RAB3IP: variants seen among roughly 807,000 people sequenced by gnomAD.
The protein encoded by RAB3IP is rab-3A-interacting protein.
A neutral mutation model predicts 59.1 loss-of-function variants in RAB3IP; 36 were observed. The ratio of observed to expected loss-of-function variants is 0.61; its 90% CI spans 0.47 to 0.80. The LOEUF is 0.80. Among genes scored for constraint, RAB3IP ranks in the 30% least tolerant of loss-of-function variants. RAB3IP has a pLI of 0.00. For synonymous variants in RAB3IP, 207 were observed against 191.2 expected (o/e 1.08, Z -0.68); for missense variants, 511 against 536.0 (o/e 0.95, Z 0.46).
intron 3 of RAB3IP, chr12:69,779,276 C>T (rs1239220971): frequency 1.1e-4 from 15 of 142,180 alleles, no homozygotes; most frequent in Non-Finnish European, 2.0e-4. Flanking sequence ...CTTCGGCTCG[C>T]GCACGGTGCG....
Position 69,755,252 on chromosome 12 carries a change from A to G in RAB3IP, c.-25-132A>G, listed in dbSNP as rs549848551. On this transcript the variant is annotated intron_variant, in intron 1 of 10. Coordinates refer to ENST00000247833, the MANE Select transcript of RAB3IP (RefSeq NM_022456.5). ...TACCACCATGTGATTGTGGTTTTTT[A>G]AAAAAAGCCTCTTTTATTGTAAGCT... 1.3e-5 allele frequency: 11 copies of G among 845,086 alleles called. No individual in the cohort carries two copies. In the African/African-American group the frequency reaches 1.4e-4, roughly 11 times the overall value. 52.3% of individuals were successfully genotyped at this position (845,086 alleles called of 1,614,324 possible). A position where few individuals can be genotyped will look rare whatever the true frequency, so the allele number is the denominator to read the frequency against.
At position 69,755,557 on chromosome 12, in the gene RAB3IP, C is replaced by G; in HGVS notation, c.149C>G (p.Ser50Cys). 6.2e-7 allele frequency: 1 copy of G among 1,614,120 alleles called. No individual in the cohort carries two copies. Among genetic ancestry groups the G allele is most frequent in the East Asian group, 2.2e-5 (1 of 44,874 alleles). ...IYRPHPSALS[S>C]VPIQANALDV... ...CGGCCACACCCTTCAGCTTTATCCT[C>G]TGTACCTATCCAGGCAAATGCATTA... Residue 50 changes from serine (S) to cysteine (C), a missense_variant, in exon 2 of 11, where the codon TCT (serine) becomes TGT (cysteine). Coordinates refer to ENST00000247833, the MANE Select transcript of RAB3IP (RefSeq NM_022456.5).
chr12:69,786,016 G>A (rs181913312), intron 4 of RAB3IP, among the ~76,000 whole-genome samples: 51 of 152,114 alleles, frequency 3.4e-4, no homozygotes, highest in East Asian at 2.9e-3. Flanking sequence ...ATCATTTAAC[G>A]ATATATATAT....
intron 3 of RAB3IP, among the ~76,000 whole-genome samples, chr12:69,757,625 G>A (rs976390052): frequency 6.0e-5 from 9 of 150,946 alleles, no homozygotes; most frequent in African/African-American, 1.2e-4. Context: ...ATTTATAGGT[G>A]TAATATCCAA....
intron 1 of RAB3IP, among the ~76,000 whole-genome samples, chr12:69,753,616 T>G (rs1037275026): frequency 6.6e-6 from 1 of 152,152 alleles, no homozygotes; most frequent in African/African-American, 2.4e-5. Context: ...CCCAAAGTGC[T>G]GGGATTATAG....
At position 69,738,980 on chromosome 12, in the gene RAB3IP, CG is replaced by C. The variant is rs1351436266; in HGVS notation, c.-75del. ...TCGCTGCTTCGGGACGCGCTCTCTG[CG>C]GCTCTGTGAGCGCCCCTGAGCGCCG... On this transcript the variant is annotated 5_prime_UTR_variant, in exon 1 of 11. Coordinates refer to ENST00000247833, the MANE Select transcript of RAB3IP (RefSeq NM_022456.5). 6.6e-6 allele frequency: 1 copy of C among 152,186 alleles called. No homozygotes were observed. The highest frequency in any genetic ancestry group is 1.5e-5 in the Non-Finnish European group (1 of 68,136). The allele number at this position is 152,186 out of a possible 1,614,324, so 9.4% of individuals were successfully genotyped here. A position where few individuals can be genotyped will look rare whatever the true frequency, so the allele number is the denominator to read the frequency against.
chr12:69,812,689 T>A, intron 8 of RAB3IP, 89 bp from the exon 9 acceptor site: 2 of 812,582 alleles, frequency 2.5e-6, no homozygotes, highest in Non-Finnish European at 4.0e-6. Flanking sequence ...AAATATTTGT[T>A]ATCTAACTGA....
intron 7 of RAB3IP, among the ~76,000 whole-genome samples, chr12:69,800,947 T>C (rs1226707283): frequency 6.6e-6 from 1 of 152,228 alleles, no homozygotes; most frequent in African/African-American, 2.4e-5. Context: ...CTTTCAAGCA[T>C]TTAATTATAA....
intron 4 of RAB3IP, among the ~76,000 whole-genome samples, chr12:69,786,074 TGGG>T (rs568713380): frequency 3.3e-5 from 5 of 152,290 alleles, no homozygotes; most frequent in South Asian, 4.1e-4. Context: ...ATAATAAACT[TGGG>T]GGGGTGGAAA....
chr12:69,788,712 C>A (rs1876126976), intron 4 of RAB3IP, among the ~76,000 whole-genome samples: 1 of 152,072 alleles, frequency 6.6e-6, no homozygotes, highest in African/African-American at 2.4e-5. Flanking sequence ...ATGGATCTAA[C>A]AGATACGTAT....
At chr12:69,744,118 A>G (rs1227262536) in intron 1 of RAB3IP, among the ~76,000 whole-genome samples, 1 of 151,800 alleles carries the variant, frequency 6.6e-6, no homozygotes, top group Non-Finnish European at 1.5e-5. Flanking sequence ...TATTTCTCCT[A>G]ATGCTATCCC....
intron 4 of RAB3IP, among the ~76,000 whole-genome samples, chr12:69,791,130 A>T (rs918583037): frequency 1.3e-5 from 2 of 152,190 alleles, no homozygotes; most frequent in Admixed American, 6.5e-5. Context: ...AGAAAATTGG[A>T]TATCCACATG....
At chr12:69,801,032 C>T (rs900847463) in intron 7 of RAB3IP, among the ~76,000 whole-genome samples, 1 of 152,148 alleles carries the variant, frequency 6.6e-6, no homozygotes, top group Non-Finnish European at 1.5e-5. Context: ...CATTGTGGCT[C>T]TGTATCTGGT....
intron 1 of RAB3IP, among the ~76,000 whole-genome samples, chr12:69,740,164 GT>G (rs902310425): frequency 6.6e-6 from 1 of 151,432 alleles, no homozygotes; most frequent in Non-Finnish European, 1.5e-5. Flanking sequence ...GTTCATGAAG[GT>G]TTTTTTTTCT....
At chr12:69,755,754 A>T (rs1176882049) in intron 2 of RAB3IP, 95 bp downstream of exon 2, 1 of 1,067,160 alleles carries the variant, frequency 9.4e-7, no homozygotes, top group Non-Finnish European at 1.3e-6. Context: ...AGAAAATTTG[A>T]ATAACTTAAG....
intron 1 of RAB3IP, among the ~76,000 whole-genome samples, chr12:69,741,827 A>C (rs1887373048): frequency 6.6e-6 from 1 of 152,252 alleles, no homozygotes; most frequent in Non-Finnish European, 1.5e-5. Context: ...TTGTTTGCTC[A>C]TAATCACTAC....
rs1361645424 is a variant in RAB3IP at position 69,820,911 on chromosome 12, T to A, written c.*5465T>A. On this transcript the variant is annotated 3_prime_UTR_variant, in exon 11 of 11. Coordinates refer to ENST00000247833, the MANE Select transcript of RAB3IP (RefSeq NM_022456.5). ...ATAGAAAATCAAGTTTTCATAGTGG[T>A]AGTTGTTAACAGAGAAATAACAATG... The A allele has an allele frequency of 6.8e-6, 1 of 146,406 alleles. No homozygotes were observed. Among genetic ancestry groups the A allele is most frequent in the African/African-American group, 2.5e-5 (1 of 39,538 alleles). The allele number at this position is 146,406 out of a possible 1,614,324, so 9.1% of individuals were successfully genotyped here.
rs1194517646 is a variant in RAB3IP at position 69,816,069 on chromosome 12, A to G, written c.*623A>G. 1.3e-5 allele frequency: 2 copies of G among 152,278 alleles called. No homozygotes were observed. 9.4% of individuals were successfully genotyped at this position (152,278 alleles called of 1,614,324 possible). A position where few individuals can be genotyped will look rare whatever the true frequency, so the allele number is the denominator to read the frequency against. Reference sequence around the variant, plus strand: ...AGAAGGCAGTCAGATTTTATCCCAGAGATGTATTCCTGAGTGTCTTGATAT... The same window carrying G: ...AGAAGGCAGTCAGATTTTATCCCAGGGATGTATTCCTGAGTGTCTTGATAT... On this transcript the variant is annotated 3_prime_UTR_variant, in exon 11 of 11. Transcript: ENST00000247833.
chr12:69,756,581 C>G lies in RAB3IP; in HGVS notation c.428C>G (p.Ser143Cys). Residue 143 changes from serine (S) to cysteine (C), a missense_variant, in exon 3 of 11, where the codon TCT (serine) becomes TGT (cysteine). By Grantham distance (112) the Ser-to-Cys change is moderately radical. Transcript: ENST00000247833. ...TTTGGGTTGAGTACTGATAGTCTGTCTCGTTTACGAAGCCCATCTGTTTTG... is the reference window on the plus strand; with the variant it reads ...TTTGGGTTGAGTACTGATAGTCTGTGTCGTTTACGAAGCCCATCTGTTTTG... ...DIFGLSTDSL[S>C]RLRSPSVLEV... 6.2e-7 allele frequency: 1 copy of G among 1,614,072 alleles called. No individual in the cohort carries two copies. Among genetic ancestry groups the G allele is most frequent in the South Asian group, 1.1e-5 (1 of 91,080 alleles).
Sources: allele counts gnomAD v4.1 joint callset (sites outside exome capture counted in the v4.1 genomes callset), GRCh38; gene constraint gnomAD v4.1.1; transcripts MANE v1.5; gene names NCBI Gene and HGNC (gene_info 2026-07-23, HGNC 2026-07-21).